The following CNTN5 variants were observed in gnomAD, a reference collection of about 807,000 sequenced individuals.
CNTN5 encodes contactin 5.
CNTN5 carries 77 observed loss-of-function variants against 129.1 expected under a neutral mutation model. That is an observed-to-expected ratio of 0.60 (90% CI 0.50 to 0.72). The LOEUF (loss-of-function observed/expected upper bound fraction) is 0.72, where lower values mean the gene tolerates loss of function less well. CNTN5 is among the 30% of genes least tolerant of loss of function. The pLI is 0.00. For synonymous variants in CNTN5, 509 were observed against 465.6 expected, an observed-to-expected ratio of 1.09 and a Z score of -1.20; for missense variants, 1,478 against 1,328.8, an observed-to-expected ratio of 1.11 and a Z score of -1.75.
At chr11:99,242,473 A>G (rs1263963821) in intron 1 of CNTN5, among the ~76,000 whole-genome samples, 8 of 152,100 alleles carry the variant, frequency 5.3e-5, no homozygotes, top group Admixed American at 4.6e-4. Context: ...CCATTAGGGC[A>G]AACTTTTTTT....
chr11:99,456,678 T>C (rs1944507710), intron 2 of CNTN5, among the ~76,000 whole-genome samples: 1 of 152,080 alleles, frequency 6.6e-6, no homozygotes, highest in South Asian at 2.1e-4. Flanking sequence ...ACATTTGAGA[T>C]TGCAGGGCTA....
At chr11:100,220,102 C>T (rs918685434) in intron 15 of CNTN5, among the ~76,000 whole-genome samples, 5 of 151,890 alleles carry the variant, frequency 3.3e-5, no homozygotes, top group South Asian at 2.1e-4. Context: ...ACAGTGAATC[C>T]CTGTCTCTAC....
At chr11:99,328,057 A>T (rs924153180) in intron 2 of CNTN5, among the ~76,000 whole-genome samples, 4 of 152,236 alleles carry the variant, frequency 2.6e-5, no homozygotes, top group Admixed American at 6.5e-5. Flanking sequence ...ACAGTTGATA[A>T]GAATAGAGTA....
At chr11:99,578,050 T>C (rs11825636) in intron 3 of CNTN5, among the ~76,000 whole-genome samples, 97,726 of 147,264 alleles carry the variant, frequency 0.66, 36,378 homozygotes, top group Non-Finnish European at 0.81. Flanking sequence ...CATTGTTCAA[T>C]TCCCATCTAT....
chr11:99,915,322 A>G (rs1223739446), intron 6 of CNTN5, among the ~76,000 whole-genome samples: 1 of 152,102 alleles, frequency 6.6e-6, no homozygotes, highest in African/African-American at 2.4e-5. Context: ...CTTTTGGACC[A>G]TTTTCTTTTT....
intron 6 of CNTN5, among the ~76,000 whole-genome samples, chr11:99,860,816 AT>A (rs951066877): frequency 7.3e-5 from 11 of 151,184 alleles, no homozygotes; most frequent in African/African-American, 2.2e-4. Context: ...GAATTTTAGA[AT>A]TTTTTTTTAG....
rs141865807 is a variant in CNTN5 at position 99,445,778 on chromosome 11, C to T, written c.-70-110367C>T. ...TAATATGTGGTTCATAGAAGTTCCC[C>T]TCTCTTTTAAAGTACTTCCTTAGGG... On this transcript the variant is annotated intron_variant, in intron 2 of 24. Coordinates refer to ENST00000524871, the MANE Select transcript of CNTN5 (RefSeq NM_014361.4). Among the ~76,000 whole-genome samples the T allele has an allele frequency of 2.0e-3, 304 of 152,078 alleles. 1 individual carries two copies. The highest frequency in any genetic ancestry group is 6.9e-3 in the African/African-American group (287 of 41,514).
intron 6 of CNTN5, among the ~76,000 whole-genome samples, chr11:99,880,485 A>T (rs376932900): frequency 2.6e-5 from 4 of 152,262 alleles, no homozygotes; most frequent in South Asian, 2.1e-4. Flanking sequence ...TGGCACTGTA[A>T]ATGACCAACT....
chr11:100,346,108 G>T (rs1347837537), intron 23 of CNTN5, among the ~76,000 whole-genome samples: 1 of 152,194 alleles, frequency 6.6e-6, no homozygotes, highest in South Asian at 2.1e-4. Context: ...ATATATAAAT[G>T]ATTGGGAAAA....
At chr11:100,167,653 G>GAAAC (rs1947683400) in intron 13 of CNTN5, among the ~76,000 whole-genome samples, 1 of 151,876 alleles carries the variant, frequency 6.6e-6, no homozygotes, top group Non-Finnish European at 1.5e-5. Flanking sequence ...TGTAACAAAA[G>GAAAC]AAACAGACCT....
chr11:99,761,496 A>G (rs1347277119), intron 3 of CNTN5, among the ~76,000 whole-genome samples: 2 of 151,606 alleles, frequency 1.3e-5, no homozygotes, highest in Admixed American at 1.3e-4. Context: ...ATTCCCACCT[A>G]TGAGTGAGAA....
intron 13 of CNTN5, among the ~76,000 whole-genome samples, chr11:100,178,900 T>C (rs1948050345): frequency 1.3e-5 from 2 of 152,182 alleles, no homozygotes; most frequent in South Asian, 4.1e-4. Flanking sequence ...TCAACGTCAC[T>C]TGCTGAAGGT....
At chr11:99,480,625 T>C (rs1021992939) in intron 2 of CNTN5, among the ~76,000 whole-genome samples, 5 of 152,236 alleles carry the variant, frequency 3.3e-5, no homozygotes, top group African/African-American at 1.2e-4. Flanking sequence ...AATCTTTGCT[T>C]TACAACCTGT....
chr11:100,170,897 A>AAAC (rs1947805897), intron 13 of CNTN5, among the ~76,000 whole-genome samples: 1 of 151,208 alleles, frequency 6.6e-6, no homozygotes, highest in African/African-American at 2.4e-5. Flanking sequence ...ACAAAAACAA[A>AAAC]AAAAAAACTT....
At chr11:99,328,368 A>C (rs1016072210) in intron 2 of CNTN5, among the ~76,000 whole-genome samples, 3 of 152,190 alleles carry the variant, frequency 2.0e-5, no homozygotes, top group Non-Finnish European at 4.4e-5. Flanking sequence ...GTAATTTCTT[A>C]TCATCAGGAA....
chr11:99,325,840 A>G (rs1445399268), intron 2 of CNTN5, among the ~76,000 whole-genome samples: 1 of 152,182 alleles, frequency 6.6e-6, no homozygotes, highest in Non-Finnish European at 1.5e-5. Context: ...CTGTTCCATG[A>G]TATCTTTCTC....
chr11:99,600,130 C>T (rs1218891751), intron 3 of CNTN5, among the ~76,000 whole-genome samples: 1 of 152,014 alleles, frequency 6.6e-6, no homozygotes, highest in African/African-American at 2.4e-5. Flanking sequence ...GTACACTTAA[C>T]AAAAATGTGC....
chr11:99,852,557 C>G (rs1947905728), intron 6 of CNTN5, among the ~76,000 whole-genome samples: 1 of 152,168 alleles, frequency 6.6e-6, no homozygotes, highest in Non-Finnish European at 1.5e-5. Context: ...ACTCTTATTT[C>G]TTTTACATAA....
intron 1 of CNTN5, among the ~76,000 whole-genome samples, chr11:99,240,139 C>T (rs755767542): frequency 2.0e-4 from 31 of 152,022 alleles, no homozygotes; most frequent in Non-Finnish European, 4.1e-4. Flanking sequence ...TCTCAGATTC[C>T]TAGTCTTTTA....
Sources: allele counts gnomAD v4.1 joint callset (sites outside exome capture counted in the v4.1 genomes callset), GRCh38; gene constraint gnomAD v4.1.1; transcripts MANE v1.5; gene names NCBI Gene and HGNC (gene_info 2026-07-23, HGNC 2026-07-21).